RAD51B: variants seen among roughly 807,000 people sequenced by gnomAD.
RAD51B encodes RAD51 paralog B.
Under a neutral mutation model 42.2 loss-of-function variants are expected in RAD51B, and 38 were observed. The observed-to-expected ratio is 0.90, with a 90% CI of 0.70 to 1.18. The LOEUF (loss-of-function observed/expected upper bound fraction) is 1.18. RAD51B is among the 50% of genes most tolerant of loss of function. The pLI is 0.00. For synonymous variants in RAD51B, 154 were observed against 145.2 expected (o/e 1.06, Z -0.43); for missense variants, 373 against 400.7 (o/e 0.93, Z 0.59).
chr14:68,042,070 T>C (rs1408386883), intron 7 of RAD51B, among the ~76,000 whole-genome samples: 2 of 152,192 alleles, frequency 1.3e-5, no homozygotes, highest in African/African-American at 4.8e-5. Context: ...CTCCAGTGCG[T>C]CATCAGCATT....
At chr14:67,893,841 TA>T (rs1359128893) in intron 7 of RAD51B, among the ~76,000 whole-genome samples, 4 of 152,134 alleles carry the variant, frequency 2.6e-5, no homozygotes, top group African/African-American at 9.7e-5. Flanking sequence ...TCTGGTCCCA[TA>T]CATATTATCT....
intron 3 of RAD51B, among the ~76,000 whole-genome samples, chr14:67,832,008 T>G (rs1419833803): frequency 6.6e-6 from 1 of 152,202 alleles, no homozygotes; most frequent in African/African-American, 2.4e-5. Flanking sequence ...AAAAAATGTC[T>G]ACGTAAGGAT....
intron 7 of RAD51B, among the ~76,000 whole-genome samples, chr14:68,091,317 A>G (rs1284684407): frequency 6.6e-6 from 1 of 152,214 alleles, no homozygotes; most frequent in East Asian, 1.9e-4. Flanking sequence ...CAGTCCCACC[A>G]ACAGTGTAAA....
chr14:68,154,496 A>C (rs1383181856), intron 7 of RAD51B, among the ~76,000 whole-genome samples: 3 of 152,166 alleles, frequency 2.0e-5, no homozygotes, highest in Admixed American at 6.5e-5. Flanking sequence ...TGCATGCACT[A>C]ATCAGTACTC....
rs1474308377 is a variant in RAD51B at position 67,872,579 on chromosome 14, A to T, written c.452+7440A>T. 8.6e-3 allele frequency among the ~76,000 whole-genome samples: 1,279 copies of T among 148,482 alleles called. 16 individuals carry two copies. Among genetic ancestry groups the T allele is most frequent in the African/African-American group, 0.03 (1,207 of 40,454 alleles). ...CCAATGACTTTCTTCACAGAATTGG[A>T]AAAAACTACTTTAAAGTTCATATGG... is the stretch of plus-strand genomic sequence containing the variant. On this transcript the variant is annotated intron_variant, in intron 5 of 10. Transcript: ENST00000471583.
chr14:68,319,512 A>G (rs1037188002), intron 8 of RAD51B, among the ~76,000 whole-genome samples: 1 of 152,248 alleles, frequency 6.6e-6, no homozygotes, highest in African/African-American at 2.4e-5. Context: ...TTGAAAATAG[A>G]ATCAAGTCCA....
Position 68,670,633 on chromosome 14 carries a change from C to T in RAD51B, c.*11+19777C>T, listed in dbSNP as rs374997249. Among the ~76,000 whole-genome samples, 8 of 152,206 alleles carry T rather than the reference C, an allele frequency of 5.3e-5. No homozygotes were observed. In the East Asian group the frequency reaches 1.5e-3, roughly 29 times the overall value. ...CTCTGTCTCATTGCACAGCCCTTGC[C>T]CTCCTGGCCACTTGCTACTTTTAAT... On this transcript the variant is annotated intron_variant, in intron 11 of 11. Coordinates refer to the RAD51B transcript ENST00000488612.
At chr14:68,288,544 T>C (rs1394669670) in intron 7 of RAD51B, among the ~76,000 whole-genome samples, 1 of 152,230 alleles carries the variant, frequency 6.6e-6, no homozygotes, top group African/African-American at 2.4e-5. Flanking sequence ...AGTTTTAGGT[T>C]CTGTAAGGTA....
chr14:68,255,732 A>T (rs1172211045), intron 7 of RAD51B, among the ~76,000 whole-genome samples: 1 of 152,194 alleles, frequency 6.6e-6, no homozygotes, highest in Non-Finnish European at 1.5e-5. Flanking sequence ...GTCATTGTTC[A>T]TGGATGCCTA....
intron 9 of RAD51B, among the ~76,000 whole-genome samples, chr14:68,417,799 C>T (rs535752105): frequency 6.6e-6 from 1 of 152,172 alleles, no homozygotes. Context: ...CCATGGGACT[C>T]CCTTTGAAAA....
intron 8 of RAD51B, among the ~76,000 whole-genome samples, chr14:68,351,736 A>C (rs1251329583): frequency 6.6e-6 from 1 of 152,224 alleles, no homozygotes; most frequent in Non-Finnish European, 1.5e-5. Context: ...ATTAGACCAC[A>C]GTCAGGGAGC....
intron 9 of RAD51B, among the ~76,000 whole-genome samples, chr14:68,424,779 CT>C (rs33936830): frequency 0.11 from 16,760 of 152,020 alleles, 1,539 homozygotes; most frequent in African/African-American, 0.25. Context: ...CCTGTAATCT[CT>C]TTTTTTTCCT....
chr14:67,976,527 T>G (rs984191570), intron 7 of RAD51B, among the ~76,000 whole-genome samples: 9 of 152,076 alleles, frequency 5.9e-5, no homozygotes, highest in African/African-American at 2.2e-4. Context: ...TTGTTACATA[T>G]GTATACATGT....
At chr14:67,899,102 G>A (rs1001158244) in intron 7 of RAD51B, among the ~76,000 whole-genome samples, 4 of 151,956 alleles carry the variant, frequency 2.6e-5, no homozygotes, top group Non-Finnish European at 5.9e-5. Context: ...GAGTGCAGTG[G>A]CATGATCTTG....
At chr14:68,106,265 A>G (rs2077375450) in intron 7 of RAD51B, among the ~76,000 whole-genome samples, 1 of 151,216 alleles carries the variant, frequency 6.6e-6, no homozygotes, top group South Asian at 2.1e-4. Context: ...TATTTTTATC[A>G]TTTCTACTTT....
At chr14:68,222,001 T>C (rs1376383349) in intron 7 of RAD51B, among the ~76,000 whole-genome samples, 1 of 152,106 alleles carries the variant, frequency 6.6e-6, no homozygotes, top group African/African-American at 2.4e-5. Flanking sequence ...ACCACCTCAC[T>C]CCTGCAAGAA....
intron 7 of RAD51B, among the ~76,000 whole-genome samples, chr14:67,900,991 A>G (rs1241727675): frequency 6.6e-6 from 1 of 152,226 alleles, no homozygotes; most frequent in Non-Finnish European, 1.5e-5. Context: ...TAAGGCTTGC[A>G]GCCACTGGAG....
At chr14:68,160,689 C>G (rs1328147311) in intron 7 of RAD51B, among the ~76,000 whole-genome samples, 1 of 152,112 alleles carries the variant, frequency 6.6e-6, no homozygotes, top group Admixed American at 6.6e-5. Flanking sequence ...AAGTGGGTGC[C>G]TTGCTTGATT....
chr14:68,248,893 G>T (rs1447799198), intron 7 of RAD51B, among the ~76,000 whole-genome samples: 1 of 152,248 alleles, frequency 6.6e-6, no homozygotes, highest in Non-Finnish European at 1.5e-5. Context: ...AGATTGGGAT[G>T]GATGTGCCCA....
Sources: allele counts gnomAD v4.1 joint callset (sites outside exome capture counted in the v4.1 genomes callset), GRCh38; gene constraint gnomAD v4.1.1; transcripts MANE v1.5; gene names NCBI Gene and HGNC (gene_info 2026-07-23, HGNC 2026-07-21).